The following WDPCP variants were observed in gnomAD, a reference collection of about 807,000 sequenced individuals.
WDPCP encodes the protein WD repeat-containing and planar cell polarity effector protein fritz homolog.
In WDPCP, 71 loss-of-function variants were observed where a neutral mutation model predicts 93.1. The ratio of observed to expected loss-of-function variants is 0.76; its 90% CI spans 0.63 to 0.93. WDPCP has a LOEUF of 0.93. Among genes scored for constraint, WDPCP ranks in the 40% least tolerant of loss-of-function variants. The pLI, the probability that WDPCP is intolerant of heterozygous loss-of-function variation, is 0.00. For synonymous variants in WDPCP, 315 were observed against 315.0 expected (o/e 1.00, Z 0.00); for missense variants, 844 against 887.4 (o/e 0.95, Z 0.62).
At chr2:63,238,237 A>G (rs770537993) in intron 14 of WDPCP, among the ~76,000 whole-genome samples, 6 of 152,156 alleles carry the variant, frequency 3.9e-5, no homozygotes, top group African/African-American at 1.2e-4. Flanking sequence ...TGATTCTACA[A>G]TATAAGCTAG....
In WDPCP at chr2:63,121,076, G is replaced by A. The variant is rs1669521769; in HGVS notation, c.*930C>T. On this transcript the variant is annotated 3_prime_UTR_variant, in exon 18 of 18. Coordinates refer to ENST00000272321, the MANE Select transcript of WDPCP (RefSeq NM_015910.7). ...CTATTCCTATAGAGCAATGTTAAGA[G>A]GGCTAGATGACACCTGCACACTCAA... Among the ~76,000 whole-genome samples the A allele has an allele frequency of 6.6e-6, 1 of 152,060 alleles. No homozygotes were observed. Among genetic ancestry groups the A allele is most frequent in the African/African-American group, 2.4e-5 (1 of 41,388 alleles).
At chr2:63,400,175 A>G (rs993467456) in intron 10 of WDPCP, among the ~76,000 whole-genome samples, 9 of 152,232 alleles carry the variant, frequency 5.9e-5, no homozygotes, top group Non-Finnish European at 1.3e-4. Context: ...ATCTACCTAA[A>G]GTATATCATA....
intron 2 of WDPCP, among the ~76,000 whole-genome samples, chr2:63,696,522 C>T (rs1373278685): frequency 2.6e-5 from 4 of 152,090 alleles, no homozygotes; most frequent in African/African-American, 4.8e-5. Flanking sequence ...AGGGGGAAGA[C>T]CACAGGAATA....
At chr2:63,545,857 TAAAAA>T (rs76994891) in intron 1 of WDPCP, among the ~76,000 whole-genome samples, 1 of 132,120 alleles carries the variant, frequency 7.6e-6, no homozygotes, top group East Asian at 2.1e-4. Context: ...CGCTCAGATT[TAAAAA>T]AAAAAAAAAA....
At chr2:63,602,894 C>T (rs1286791823) in intron 3 of WDPCP, among the ~76,000 whole-genome samples, 2 of 148,716 alleles carry the variant, frequency 1.3e-5, no homozygotes, top group South Asian at 2.1e-4. Flanking sequence ...TTATTTATTC[C>T]ATTGCCTATG....
rs559592581 is a variant in WDPCP, at chr2:63,532,833, T to C, written c.76-39893A>G. Among the ~76,000 whole-genome samples, 21 of 152,310 alleles carry C rather than the reference T, an allele frequency of 1.4e-4. No homozygotes were observed. In the South Asian group the frequency reaches 2.1e-3, roughly 15 times the overall value. ...GCAAAATAACCAGCTAATATCATAA[T>C]GACAGGATCAAATTAACACGTAACA... On this transcript the variant is annotated intron_variant, in intron 1 of 17. Coordinates refer to ENST00000272321, the MANE Select transcript of WDPCP (RefSeq NM_015910.7).
At chr2:63,573,064 T>G (rs763502887) in intron 1 of WDPCP, among the ~76,000 whole-genome samples, 1 of 151,932 alleles carries the variant, frequency 6.6e-6, no homozygotes. Context: ...CCAGGCAAAA[T>G]AGCAAGACCC....
chr2:63,497,623 C>T (rs1032342989), intron 1 of WDPCP, among the ~76,000 whole-genome samples: 12 of 151,996 alleles, frequency 7.9e-5, no homozygotes, highest in Non-Finnish European at 1.8e-4. Context: ...AATCAACATC[C>T]TTTTTAGTCT....
intron 6 of WDPCP, among the ~76,000 whole-genome samples, chr2:63,445,213 T>TA (rs1275194571): frequency 1.3e-5 from 2 of 150,948 alleles, no homozygotes; most frequent in East Asian, 1.9e-4. Flanking sequence ...AGTTAAGAAT[T>TA]AAAAAAAAAT....
At chr2:63,545,376 A>C (rs556273128) in intron 1 of WDPCP, among the ~76,000 whole-genome samples, 1 of 151,292 alleles carries the variant, frequency 6.6e-6, no homozygotes, top group Non-Finnish European at 1.5e-5. Flanking sequence ...GAGGGAGAGA[A>C]AGAGAAAGAA....
chr2:63,458,868 G>A (rs375603100), intron 6 of WDPCP, among the ~76,000 whole-genome samples: 3 of 152,044 alleles, frequency 2.0e-5, no homozygotes, highest in African/African-American at 4.8e-5. Context: ...CATGATATTC[G>A]TGTAACAACA....
intron 17 of WDPCP, among the ~76,000 whole-genome samples, chr2:63,139,891 C>A (rs1670928366): frequency 6.6e-6 from 1 of 152,146 alleles, no homozygotes. Context: ...TTTGCCTACG[C>A]CAATGTCTAG....
chr2:63,624,538 G>T (rs1159641604), intron 3 of WDPCP, among the ~76,000 whole-genome samples: 1 of 152,144 alleles, frequency 6.6e-6, no homozygotes, highest in Non-Finnish European at 1.5e-5. Context: ...TACCATCAGA[G>T]AATACTATAA....
intron 12 of WDPCP, chr2:63,369,526 T>G: frequency 2.2e-6 from 1 of 456,346 alleles, no homozygotes; most frequent in Non-Finnish European, 4.4e-6. Flanking sequence ...AATAAACAAT[T>G]CCAAACAGAT....
At chr2:63,131,168 A>G (rs1356414800) in intron 17 of WDPCP, among the ~76,000 whole-genome samples, 1 of 152,122 alleles carries the variant, frequency 6.6e-6, no homozygotes, top group Non-Finnish European at 1.5e-5. Flanking sequence ...TAGTAGTTGG[A>G]TTATTCATAT....
chr2:63,724,971 A>T lies in WDPCP; in HGVS notation n.309-74133T>A, dbSNP rs544306687. Among the ~76,000 whole-genome samples the T allele has an allele frequency of 3.3e-5, 5 of 152,320 alleles. No individual in the cohort carries two copies. In the East Asian group the frequency reaches 9.6e-4, roughly 29 times the overall value. On this transcript the variant is annotated intron_variant and non_coding_transcript_variant, in intron 2 of 4. Transcript: ENST00000467687. ...CATATCCATTCTCCTACGGGATTTT[A>T]AAAAATAATAACCTGTGACATCTTT... is the stretch of plus-strand genomic sequence containing the variant.
chr2:63,156,499 G>A (rs1049860884), intron 15 of WDPCP, among the ~76,000 whole-genome samples: 1 of 152,106 alleles, frequency 6.6e-6, no homozygotes, highest in Non-Finnish European at 1.5e-5. Context: ...ACCTTGGGAG[G>A]CTGAGGCAGG....
intron 12 of WDPCP, among the ~76,000 whole-genome samples, chr2:63,372,025 T>C (rs1691436914): frequency 6.6e-6 from 1 of 152,224 alleles, no homozygotes; most frequent in South Asian, 2.1e-4. Flanking sequence ...CTCATGGTTC[T>C]GTAGCCTATA....
At chr2:63,722,579 C>T (rs1309128575) in intron 2 of WDPCP, among the ~76,000 whole-genome samples, 1 of 143,356 alleles carries the variant, frequency 7.0e-6, no homozygotes, top group Non-Finnish European at 1.6e-5. Context: ...CAGCCCCCCG[C>T]CCGGCCAGCC....
Sources: allele counts gnomAD v4.1 joint callset (sites outside exome capture counted in the v4.1 genomes callset), GRCh38; gene constraint gnomAD v4.1.1; transcripts MANE v1.5; gene names NCBI Gene and HGNC (gene_info 2026-07-23, HGNC 2026-07-21).